Variants in GNAT3 observed in about 807,000 individuals in gnomAD.
GNAT3 encodes the protein G protein subunit alpha transducin 3.
Under a neutral mutation model 37.7 loss-of-function variants are expected in GNAT3, and 31 were observed. The ratio of observed to expected loss-of-function variants is 0.82; its 90% CI spans 0.62 to 1.11. The LOEUF (loss-of-function observed/expected upper bound fraction) is 1.11, where lower values mean the gene tolerates loss of function less well. Among genes scored for constraint, GNAT3 ranks in the 50% most tolerant of loss-of-function variants. The pLI, the probability that GNAT3 is intolerant of heterozygous loss-of-function variation, is 0.00. For missense variants in GNAT3, 437 were observed against 412.5 expected (o/e 1.06, Z -0.51); for synonymous variants, 138 against 139.8 (o/e 0.99, Z 0.09).
At chr7:80,507,212 T>G (rs1258280716) in intron 1 of GNAT3, among the ~76,000 whole-genome samples, 1 of 151,918 alleles carries the variant, frequency 6.6e-6, no homozygotes, top group African/African-American at 2.4e-5. Flanking sequence ...ACTATGTTGG[T>G]GTAATAAAAT....
chr7:80,511,727 G>T, intron 1 of GNAT3, 82 bp downstream of exon 1: 4 of 792,508 alleles, frequency 5.0e-6, no homozygotes, highest in Admixed American at 2.4e-5. Context: ...TAATACACTC[G>T]AAATTAAAGT....
At chr7:80,480,596 G>A (rs1156655544) in intron 3 of GNAT3, among the ~76,000 whole-genome samples, 1 of 152,138 alleles carries the variant, frequency 6.6e-6, no homozygotes, top group Non-Finnish European at 1.5e-5. Context: ...CCCGAGGGCT[G>A]CTGGTTGTTC....
intron 1 of GNAT3, among the ~76,000 whole-genome samples, chr7:80,501,185 T>C (rs1790827023): frequency 6.6e-6 from 1 of 152,208 alleles, no homozygotes; most frequent in Non-Finnish European, 1.5e-5. Flanking sequence ...CATTGTTTAT[T>C]TTTCCCAAAC....
At position 80,499,897 on chromosome 7, in the gene GNAT3, A is replaced by G. The variant is rs569994469; in HGVS notation, c.119-5250T>C. Among the ~76,000 whole-genome samples the G allele has an allele frequency of 1.4e-4, 22 of 152,324 alleles. No individual in the cohort carries two copies. The South Asian group carries it at 4.6e-3, about 32-fold the overall frequency. Reference sequence around the variant, plus strand: ...TGGGAGGATTAGATCACAAATATAAATTACCTAGAACATACACTAATATAT... The same window carrying G: ...TGGGAGGATTAGATCACAAATATAAGTTACCTAGAACATACACTAATATAT... On this transcript the variant is annotated intron_variant, in intron 1 of 7. Coordinates refer to ENST00000398291, the MANE Select transcript of GNAT3 (RefSeq NM_001102386.3).
chr7:80,498,950 T>A (rs1790785404), intron 1 of GNAT3, among the ~76,000 whole-genome samples: 1 of 152,330 alleles, frequency 6.6e-6, no homozygotes, highest in Middle Eastern at 3.4e-3. Context: ...GAATTTTAAA[T>A]CTACCCAATA....
At chr7:80,486,599 C>G (rs1435478643) in intron 3 of GNAT3, 1 of 150,110 alleles carries the variant, frequency 6.7e-6, no homozygotes, top group Admixed American at 6.7e-5. Context: ...TACACACCAC[C>G]ATGCCTAGCT....
At chr7:80,461,763 C>T (rs930426897) in intron 7 of GNAT3, among the ~76,000 whole-genome samples, 4 of 152,020 alleles carry the variant, frequency 2.6e-5, no homozygotes, top group Admixed American at 2.0e-4. Flanking sequence ...TCTCTAGAAA[C>T]AACTCAGAGA....
At chr7:80,510,731 G>C (rs1306078776) in intron 1 of GNAT3, among the ~76,000 whole-genome samples, 4 of 152,160 alleles carry the variant, frequency 2.6e-5, no homozygotes, top group Admixed American at 6.6e-5. Context: ...CCTTTAAGGA[G>C]CAAGTGCTGG....
At chr7:80,498,928 A>G (rs1048285256) in intron 1 of GNAT3, among the ~76,000 whole-genome samples, 1 of 152,206 alleles carries the variant, frequency 6.6e-6, no homozygotes, top group Non-Finnish European at 1.5e-5. Context: ...TTAAATCTGA[A>G]AATATTAAAA....
At chr7:80,496,654 A>G (rs1037528497) in intron 1 of GNAT3, among the ~76,000 whole-genome samples, 1 of 152,214 alleles carries the variant, frequency 6.6e-6, no homozygotes, top group Admixed American at 6.5e-5. Context: ...CAAAGCACCT[A>G]GAACAGTGCC....
intron 2 of GNAT3, among the ~76,000 whole-genome samples, chr7:80,489,244 G>T (rs902678785): frequency 3.9e-5 from 6 of 152,068 alleles, no homozygotes; most frequent in Non-Finnish European, 8.8e-5. Context: ...TGAAATGCCT[G>T]ACATTTTATT....
intron 3 of GNAT3, among the ~76,000 whole-genome samples, chr7:80,481,033 A>C (rs1250699347): frequency 2.6e-5 from 4 of 152,158 alleles, no homozygotes; most frequent in African/African-American, 4.8e-5. Context: ...GATACAACTC[A>C]GCTTATTATT....
rs767151214 is a variant in GNAT3, at chr7:80,490,067, A to C, written c.162-1391T>G. 2.9e-4 allele frequency among the ~76,000 whole-genome samples: 44 copies of C among 152,078 alleles called. 1 individual carries two copies. The highest frequency in any genetic ancestry group is 6.2e-4 in the Non-Finnish European group (42 of 67,990). On this transcript the variant is annotated intron_variant, in intron 2 of 7. Transcript: ENST00000398291. Reference sequence around the variant, plus strand: ...AGTGAGATAGAGCACTCCAACTGCAAAGTTGGTTCTGAGGTCTGTTGAAAT... The same window carrying C: ...AGTGAGATAGAGCACTCCAACTGCACAGTTGGTTCTGAGGTCTGTTGAAAT...
intron 3 of GNAT3, chr7:80,487,881 T>G (rs1179301604): frequency 2.0e-5 from 3 of 152,144 alleles, no homozygotes; most frequent in African/African-American, 7.2e-5. Context: ...GCCAAATAAT[T>G]TTATATGTCT....
intron 1 of GNAT3, among the ~76,000 whole-genome samples, chr7:80,498,662 A>G (rs1172613635): frequency 6.6e-6 from 1 of 152,164 alleles, no homozygotes; most frequent in Non-Finnish European, 1.5e-5. Flanking sequence ...AGCCAAATAT[A>G]GACATTATAA....
intron 3 of GNAT3, among the ~76,000 whole-genome samples, chr7:80,488,000 G>A (rs931562881): frequency 2.0e-5 from 3 of 151,866 alleles, no homozygotes; most frequent in African/African-American, 7.3e-5. Flanking sequence ...CCTTACAAAC[G>A]GAACTATGAC....
chr7:80,467,659 G>C (rs2116148524), intron 5 of GNAT3, among the ~76,000 whole-genome samples: 1 of 151,860 alleles, frequency 6.6e-6, no homozygotes, highest in South Asian at 2.1e-4. Context: ...TTATATTTTT[G>C]GCCGAAGGAA....
intron 4 of GNAT3, among the ~76,000 whole-genome samples, chr7:80,475,795 G>A (rs1344919343): frequency 1.3e-5 from 2 of 152,106 alleles, no homozygotes; most frequent in African/African-American, 4.8e-5. Context: ...GGTTGGACAA[G>A]TGTCCCAAAG....
intron 1 of GNAT3, among the ~76,000 whole-genome samples, chr7:80,511,371 A>G (rs1791061735): frequency 6.6e-6 from 1 of 152,138 alleles, no homozygotes; most frequent in African/African-American, 2.4e-5. Flanking sequence ...TTAACTATAC[A>G]AGTAAATAAC....
Sources: gnomAD v4.1 joint callset for allele counts (sites outside exome capture counted in the v4.1 genomes callset) on GRCh38, gnomAD v4.1.1 for gene constraint, MANE v1.5 for transcripts, NCBI Gene and HGNC (gene_info 2026-07-23, HGNC 2026-07-21) for gene names.